The following RPA1 variants were observed in gnomAD, a reference collection of about 807,000 sequenced individuals.
The protein encoded by RPA1 is replication protein A1.
A neutral mutation model predicts 83.0 loss-of-function variants in RPA1; 49 were observed. The observed-to-expected ratio is 0.59, with a 90% CI of 0.47 to 0.75. RPA1 has a LOEUF of 0.75. Ranked by LOEUF, RPA1 falls within the 30% of genes least tolerant of loss-of-function variation. RPA1 has a pLI of 0.00. For missense variants in RPA1, 693 were observed against 776.1 expected (o/e 0.89, Z 1.27); for synonymous variants, 279 against 281.8 (o/e 0.99, Z 0.10).
chr17:1,850,876 A>G (rs976660653), intron 4 of RPA1, among the ~76,000 whole-genome samples: 1 of 151,974 alleles, frequency 6.6e-6, no homozygotes, highest in African/African-American at 2.4e-5. Flanking sequence ...TGGGTGACAG[A>G]GTGAGACTCT....
chr17:1,844,517 A>G lies in RPA1; in HGVS notation c.164-61A>G, dbSNP rs1041388419. 3.8e-6 allele frequency: 5 copies of G among 1,302,574 alleles called. No homozygotes were observed. In the East Asian group the frequency reaches 1.2e-4, roughly 31 times the overall value. 80.7% of individuals were successfully genotyped at this position (1,302,574 alleles called of 1,614,324 possible). A position where few individuals can be genotyped will look rare whatever the true frequency, so the allele number is the denominator to read the frequency against. The stretch of plus-strand genomic sequence containing the variant: ...TTTCTTTGCTAGCACAGGTATGAGT[A>G]GCTCTCAGAGGCTTAAGACTGCAGG... On this transcript the variant is annotated intron_variant, in intron 3 of 16. Transcript: ENST00000254719.
intron 5 of RPA1, among the ~76,000 whole-genome samples, chr17:1,865,489 C>G (rs1466801992): frequency 1.3e-5 from 2 of 152,074 alleles, no homozygotes; most frequent in Admixed American, 1.3e-4. Context: ...CATCTGTTTT[C>G]TTTAATAAAC....
intron 5 of RPA1, among the ~76,000 whole-genome samples, chr17:1,855,082 G>C (rs1191579257): frequency 6.6e-6 from 1 of 152,126 alleles, no homozygotes; most frequent in Non-Finnish European, 1.5e-5. Flanking sequence ...TGGATGGTGA[G>C]TTTTGTCAAA....
At position 1,897,726 on chromosome 17, in the gene RPA1, A is replaced by G. The variant is rs555485810; in HGVS notation, c.*551A>G. 40 of 156,164 alleles carry G rather than the reference A, an allele frequency of 2.6e-4. 1 individual carries two copies. Among genetic ancestry groups the G allele is most frequent in the South Asian group, 5.8e-4 (3 of 5,136 alleles). 9.7% of individuals were successfully genotyped at this position (156,164 alleles called of 1,614,324 possible). ...GAATGGCAATAGGGTAGAATGATTA[A>G]TCAAAGGCATATCTTCTATATCTGA... is the stretch of plus-strand genomic sequence containing the variant. On this transcript the variant is annotated 3_prime_UTR_variant, in exon 17 of 17. Transcript: ENST00000254719.
intron 5 of RPA1, among the ~76,000 whole-genome samples, chr17:1,857,185 A>G (rs930790544): frequency 3.4e-5 from 5 of 149,222 alleles, no homozygotes; most frequent in African/African-American, 9.9e-5. Flanking sequence ...TTCCCTTTCA[A>G]TTTCATCATT....
In RPA1 at chr17:1,872,422, T is replaced by C. The variant is rs1441322425; in HGVS notation, c.362-12T>C. ...CTTTGCACTAAAACGGGGTTTCCCT[T>C]TTGATCTTCAGGACTCGGGCAGCCG... is the stretch of plus-strand genomic sequence containing the variant. On this transcript the variant is annotated splice_polypyrimidine_tract_variant and intron_variant, in intron 5 of 16. Coordinates refer to ENST00000254719, the MANE Select transcript of RPA1 (RefSeq NM_002945.5). The C allele has an allele frequency of 6.2e-7, 1 of 1,613,286 alleles. No individual in the cohort carries two copies. The highest frequency in any genetic ancestry group is 8.5e-7 in the Non-Finnish European group (1 of 1,179,836).
chr17:1,830,029 G>A lies in RPA1; in HGVS notation c.-65G>A. 3.2e-6 allele frequency: 4 copies of A among 1,242,372 alleles called. No individual in the cohort carries two copies. The highest frequency in any genetic ancestry group is 4.1e-6 in the Non-Finnish European group (4 of 982,814). The allele number at this position is 1,242,372 out of a possible 1,614,324, so 77.0% of individuals were successfully genotyped here. A position where few individuals can be genotyped will look rare whatever the true frequency, so the allele number is the denominator to read the frequency against. On this transcript the variant is annotated 5_prime_UTR_variant, in exon 1 of 17. Coordinates refer to ENST00000254719, the MANE Select transcript of RPA1 (RefSeq NM_002945.5). ...TCTCGGGCCAATAACTGCGCAGCGCGCGGGACCCGGGTGGGGAAGCTGGAG... is the reference window on the plus strand; with the variant it reads ...TCTCGGGCCAATAACTGCGCAGCGCACGGGACCCGGGTGGGGAAGCTGGAG...
chr17:1,872,576 A>G lies in RPA1; in HGVS notation c.454+50A>G, dbSNP rs1325223777. 4 of 1,597,108 alleles carry G rather than the reference A, an allele frequency of 2.5e-6. No individual in the cohort carries two copies. In the African/African-American group the frequency reaches 5.3e-5, roughly 21 times the overall value. ...CTGACCAGGGGTGTCAGACTTCGGA[A>G]TCATGTTTTGAAGTTGAATCTGGGA... On this transcript the variant is annotated intron_variant, in intron 6 of 16. Coordinates refer to ENST00000254719, the MANE Select transcript of RPA1 (RefSeq NM_002945.5).
intron 5 of RPA1, among the ~76,000 whole-genome samples, chr17:1,864,239 T>A (rs969661155): frequency 2.6e-5 from 4 of 152,244 alleles, no homozygotes; most frequent in African/African-American, 9.6e-5. Context: ...TGTCTTAATT[T>A]AAATTTACCA....
At chr17:1,862,465 G>A (rs1007328937) in intron 5 of RPA1, among the ~76,000 whole-genome samples, 1 of 151,412 alleles carries the variant, frequency 6.6e-6, no homozygotes, top group Non-Finnish European at 1.5e-5. Flanking sequence ...TGTTGCCCAG[G>A]CTGGAGTGCA....
intron 12 of RPA1, among the ~76,000 whole-genome samples, chr17:1,882,775 G>A (rs1230807113): frequency 6.6e-6 from 1 of 152,132 alleles, no homozygotes; most frequent in Admixed American, 6.5e-5. Context: ...GTACATTTCG[G>A]TGATGATCAC....
At chr17:1,886,741 C>G (rs938847516) in intron 13 of RPA1, among the ~76,000 whole-genome samples, 27 of 140,210 alleles carry the variant, frequency 1.9e-4, no homozygotes, top group African/African-American at 6.9e-4. Context: ...GAGTCTCACT[C>G]TGTCACCCAG....
In RPA1 at chr17:1,848,800, G is replaced by C. The variant is rs561001764; in HGVS notation, c.272+4114G>C. ...AGGCTGGCCTTAAACTCCTGACCTT[G>C]TGATCCACCCACCTCGGCCTCCCAA... On this transcript the variant is annotated intron_variant, in intron 4 of 16. Coordinates refer to ENST00000254719, the MANE Select transcript of RPA1 (RefSeq NM_002945.5). Among the ~76,000 whole-genome samples, 4 of 152,102 alleles carry C rather than the reference G, an allele frequency of 2.6e-5. No individual in the cohort carries two copies. The South Asian group carries it at 8.3e-4, about 32-fold the overall frequency.
At chr17:1,893,736 T>C (rs796963881) in intron 15 of RPA1, among the ~76,000 whole-genome samples, 8 of 152,248 alleles carry the variant, frequency 5.3e-5, no homozygotes, top group African/African-American at 1.9e-4. Context: ...AAAAGGATTG[T>C]TTTTAGGCCT....
chr17:1,831,338 T>C (rs943936225), intron 1 of RPA1, among the ~76,000 whole-genome samples: 1 of 152,168 alleles, frequency 6.6e-6, no homozygotes, highest in Non-Finnish European at 1.5e-5. Flanking sequence ...TATTGTCCAT[T>C]ACCTGGGCAT....
At chr17:1,833,999 T>TG (rs1911715584) in intron 1 of RPA1, among the ~76,000 whole-genome samples, 1 of 152,092 alleles carries the variant, frequency 6.6e-6, no homozygotes, top group Non-Finnish European at 1.5e-5. Context: ...CTGGCCAACA[T>TG]GGGGAAACCC....
chr17:1,879,844 C>A, intron 11 of RPA1, 145 bp downstream of exon 11: 1 of 1,010,624 alleles, frequency 9.9e-7, no homozygotes, highest in Non-Finnish European at 1.5e-6. Flanking sequence ...TAGGATGGGG[C>A]CTTCAGCACA....
intron 5 of RPA1, among the ~76,000 whole-genome samples, chr17:1,869,212 A>G (rs1913289942): frequency 1.3e-5 from 2 of 152,178 alleles, no homozygotes; most frequent in Admixed American, 6.5e-5. Context: ...GTGAGTGCAA[A>G]TAATTTGAGG....
rs1010136564 is a variant in RPA1 at position 1,830,007 on chromosome 17, C to T, written c.-87C>T. 3 of 1,214,244 alleles carry T rather than the reference C, an allele frequency of 2.5e-6. No homozygotes were observed. The highest frequency in any genetic ancestry group is 3.1e-6 in the Non-Finnish European group (3 of 959,060). The allele number at this position is 1,214,244 out of a possible 1,614,324, so 75.2% of individuals were successfully genotyped here. On this transcript the variant is annotated 5_prime_UTR_variant, in exon 1 of 17. Coordinates refer to ENST00000254719, the MANE Select transcript of RPA1 (RefSeq NM_002945.5). ...GGCGGGAGCGGTGCGCGCAACTTCTCGGGCCAATAACTGCGCAGCGCGCGG... is the reference window on the plus strand; with the variant it reads ...GGCGGGAGCGGTGCGCGCAACTTCTTGGGCCAATAACTGCGCAGCGCGCGG...
Sources: allele counts gnomAD v4.1 joint callset (sites outside exome capture counted in the v4.1 genomes callset), GRCh38; gene constraint gnomAD v4.1.1; transcripts MANE v1.5; gene names NCBI Gene and HGNC (gene_info 2026-07-23, HGNC 2026-07-21).